PLS1: variants seen among roughly 807,000 people sequenced by gnomAD.
PLS1 encodes the protein plastin-1.
A neutral mutation model predicts 73.7 loss-of-function variants in PLS1; 32 were observed. The ratio of observed to expected loss-of-function variants is 0.43; its 90% CI spans 0.33 to 0.58. PLS1 has a LOEUF of 0.58. Ranked by LOEUF, PLS1 falls within the 20% of genes least tolerant of loss-of-function variation. The pLI is 0.04. For synonymous variants in PLS1, 217 were observed against 261.3 expected, an observed-to-expected ratio of 0.83 and a Z score of 1.63; for missense variants, 633 against 740.5, an observed-to-expected ratio of 0.85 and a Z score of 1.68.
At chr3:142,680,798 A>G (rs896929522) in intron 6 of PLS1, among the ~76,000 whole-genome samples, 1 of 152,162 alleles carries the variant, frequency 6.6e-6, no homozygotes, top group African/African-American at 2.4e-5. Context: ...ATATACTATG[A>G]TTTTATAGAT....
intron 1 of PLS1, among the ~76,000 whole-genome samples, chr3:142,652,185 C>T (rs116835260): frequency 0.021 from 3,216 of 152,270 alleles, 46 homozygotes; most frequent in Middle Eastern, 0.051. Context: ...CTCAGAAGAA[C>T]TGATTCCCAC....
At chr3:142,646,492 A>C (rs2108625854) in intron 1 of PLS1, among the ~76,000 whole-genome samples, 1 of 152,354 alleles carries the variant, frequency 6.6e-6, no homozygotes, top group Admixed American at 6.5e-5. Context: ...ACAGAAGGCA[A>C]ATGAGTATAG....
intron 1 of PLS1, among the ~76,000 whole-genome samples, chr3:142,630,282 G>C (rs1414652180): frequency 6.6e-6 from 1 of 151,734 alleles, no homozygotes; most frequent in Non-Finnish European, 1.5e-5. Context: ...CTATCGGGGC[G>C]TGGTGGCAGG....
At chr3:142,619,178 A>C (rs367974756) in intron 1 of PLS1, among the ~76,000 whole-genome samples, 1 of 152,338 alleles carries the variant, frequency 6.6e-6, no homozygotes, top group East Asian at 1.9e-4. Flanking sequence ...GTAGTCAAGC[A>C]GAGCTGCCAC....
chr3:142,603,785 T>A (rs918330720), intron 1 of PLS1, among the ~76,000 whole-genome samples: 16 of 134,188 alleles, frequency 1.2e-4, no homozygotes, highest in African/African-American at 3.6e-4. Flanking sequence ...AAAAAAAAAA[T>A]ACCTACAAGA....
At chr3:142,695,757 CTTACTTATTTATTTATTTAT>C (rs201194489) in intron 11 of PLS1, among the ~76,000 whole-genome samples, 14,458 of 135,022 alleles carry the variant, frequency 0.11, 888 homozygotes, top group Non-Finnish European at 0.14. Flanking sequence ...AGTAAGGAGA[CTTACTTATTTATTTATTTAT>C]TTATTTATTT....
intron 14 of PLS1, among the ~76,000 whole-genome samples, chr3:142,706,121 A>G (rs1307807004): frequency 1.3e-5 from 2 of 152,348 alleles, no homozygotes; most frequent in East Asian, 3.8e-4. Flanking sequence ...AATATTTAGG[A>G]GCAAATTAAT....
At chr3:142,678,862 T>G (rs1420210959) in intron 6 of PLS1, among the ~76,000 whole-genome samples, 10 of 151,944 alleles carry the variant, frequency 6.6e-5, no homozygotes, top group Admixed American at 2.0e-4. Flanking sequence ...ACTTCCACAA[T>G]GGTTGAACTA....
At chr3:142,691,593 T>A (rs968061725) in intron 10 of PLS1, among the ~76,000 whole-genome samples, 3 of 152,196 alleles carry the variant, frequency 2.0e-5, no homozygotes, top group Non-Finnish European at 4.4e-5. Context: ...GTGAATAGGA[T>A]TGCTAAATAT....
At chr3:142,597,269 AGCTGT>A (rs955595443) in intron 1 of PLS1, 9 of 152,194 alleles carry the variant, frequency 5.9e-5, no homozygotes, top group Admixed American at 2.0e-4. Context: ...ATGAGGCTTC[AGCTGT>A]GCTGCATAAA....
chr3:142,677,087 T>C (rs1237227725), intron 5 of PLS1, among the ~76,000 whole-genome samples: 1 of 152,152 alleles, frequency 6.6e-6, no homozygotes, highest in East Asian at 1.9e-4. Context: ...ATTCCTATTA[T>C]GAACCAAATG....
intron 11 of PLS1, among the ~76,000 whole-genome samples, chr3:142,696,498 T>A (rs918292212): frequency 6.6e-6 from 1 of 152,100 alleles, no homozygotes; most frequent in Non-Finnish European, 1.5e-5. Context: ...TGTGTCTGCA[T>A]CATATTCCTA....
intron 1 of PLS1, among the ~76,000 whole-genome samples, chr3:142,598,267 A>G (rs888694099): frequency 6.6e-6 from 1 of 152,190 alleles, no homozygotes; most frequent in African/African-American, 2.4e-5. Flanking sequence ...GTTAAAGCCT[A>G]TGACTTAAAC....
chr3:142,602,610 C>T (rs902825884), intron 1 of PLS1, among the ~76,000 whole-genome samples: 3 of 152,018 alleles, frequency 2.0e-5, no homozygotes, highest in Non-Finnish European at 2.9e-5. Flanking sequence ...CCCCCCCCAC[C>T]CCATAGGCCC....
intron 6 of PLS1, 124 bp downstream of exon 6, chr3:142,678,237 CTT>C (rs376338369): frequency 1.4e-5 from 5 of 353,636 alleles, no homozygotes; most frequent in African/African-American, 2.2e-5. Flanking sequence ...CCTATAAAAA[CTT>C]TTTTTTTTGG....
intron 1 of PLS1, among the ~76,000 whole-genome samples, chr3:142,611,693 C>A (rs1345556244): frequency 6.6e-6 from 1 of 152,056 alleles, no homozygotes; most frequent in South Asian, 2.1e-4. Flanking sequence ...ATAGTATGTA[C>A]ATACTATATA....
At chr3:142,603,944 G>C (rs1182216989) in intron 1 of PLS1, among the ~76,000 whole-genome samples, 1 of 151,980 alleles carries the variant, frequency 6.6e-6, no homozygotes, top group East Asian at 1.9e-4. Context: ...GCTTCTTCAT[G>C]ATAAAAAGCA....
At chr3:142,680,117 C>G (rs1247289475) in intron 6 of PLS1, among the ~76,000 whole-genome samples, 2 of 152,222 alleles carry the variant, frequency 1.3e-5, no homozygotes, top group African/African-American at 4.8e-5. Flanking sequence ...GAGGGTCTTG[C>G]TATGCCACCC....
intron 1 of PLS1, chr3:142,645,699 A>G (rs953604557): frequency 2.6e-5 from 4 of 152,154 alleles, no homozygotes; most frequent in African/African-American, 9.7e-5. Flanking sequence ...CATTATGGGG[A>G]GTTACAGTCT....
Sources: allele counts gnomAD v4.1 joint callset (sites outside exome capture counted in the v4.1 genomes callset), GRCh38; gene constraint gnomAD v4.1.1; transcripts MANE v1.5; gene names NCBI Gene and HGNC (gene_info 2026-07-23, HGNC 2026-07-21).